ASTN2: variants seen among roughly 807,000 people sequenced by gnomAD.
ASTN2 encodes the protein astrotactin-2.
ASTN2 carries 54 observed loss-of-function variants against 139.8 expected under a neutral mutation model. The ratio of observed to expected loss-of-function variants is 0.39; its 90% CI spans 0.31 to 0.48. The LOEUF (loss-of-function observed/expected upper bound fraction) is 0.48. Ranked by LOEUF, ASTN2 falls within the 20% of genes least tolerant of loss-of-function variation. ASTN2 has a pLI of 0.95. For synonymous variants in ASTN2, 756 were observed against 719.5 expected (o/e 1.05, Z -0.81); for missense variants, 1,565 against 1,725.1 (o/e 0.91, Z 1.64).
At chr9:116,454,441 C>G (rs1373230158) in intron 20 of ASTN2, among the ~76,000 whole-genome samples, 3 of 152,026 alleles carry the variant, frequency 2.0e-5, no homozygotes, top group African/African-American at 7.2e-5. Context: ...CACTTTTACA[C>G]TGTTGGTGGG....
intron 19 of ASTN2, among the ~76,000 whole-genome samples, chr9:116,499,173 C>T (rs1364786865): frequency 6.6e-6 from 1 of 152,132 alleles, no homozygotes; most frequent in Non-Finnish European, 1.5e-5. Flanking sequence ...CTGTGTTTGT[C>T]ACTTTATTTA....
At chr9:117,095,953 A>C in intron 5 of ASTN2, 91 bp downstream of exon 5, 1 of 1,219,360 alleles carries the variant, frequency 8.2e-7, no homozygotes, top group South Asian at 1.3e-5. Context: ...AGGTTAGAGA[A>C]GATTTAGGAT....
intron 20 of ASTN2, among the ~76,000 whole-genome samples, chr9:116,456,730 T>TC (rs1464710341): frequency 6.6e-6 from 1 of 152,112 alleles, no homozygotes; most frequent in South Asian, 2.1e-4. Context: ...CGAAAGAATT[T>TC]CCCCCATGAT....
chr9:117,346,117 G>T (rs1196234412), intron 1 of ASTN2, among the ~76,000 whole-genome samples: 1 of 151,228 alleles, frequency 6.6e-6, no homozygotes, highest in Non-Finnish European at 1.5e-5. Flanking sequence ...TTTTTCCAAA[G>T]CTACCTGGCC....
chr9:116,703,928 G>C (rs1387940839), intron 16 of ASTN2, among the ~76,000 whole-genome samples: 3 of 152,304 alleles, frequency 2.0e-5, no homozygotes, highest in Admixed American at 1.3e-4. Flanking sequence ...GGGCAACAGT[G>C]AGGAAGAAGG....
intron 20 of ASTN2, among the ~76,000 whole-genome samples, chr9:116,487,037 G>C (rs1303218091): frequency 6.6e-6 from 1 of 152,120 alleles, no homozygotes. Context: ...AGAGATCCCT[G>C]ACCCAACCAT....
intron 12 of ASTN2, among the ~76,000 whole-genome samples, chr9:116,806,499 G>A (rs1831033074): frequency 6.6e-6 from 1 of 152,210 alleles, no homozygotes; most frequent in Non-Finnish European, 1.5e-5. Flanking sequence ...CAAGAAATCA[G>A]AGATCTCAGC....
intron 2 of ASTN2, among the ~76,000 whole-genome samples, chr9:117,255,021 C>T (rs774139001): frequency 1.3e-5 from 2 of 152,188 alleles, no homozygotes; most frequent in Non-Finnish European, 2.9e-5. Context: ...AAATTAAATC[C>T]TACCTAATCC....
chr9:116,565,381 CTCTCTCCATATATATATATA>C (rs1370028336), intron 19 of ASTN2, among the ~76,000 whole-genome samples: 1,459 of 34,652 alleles, frequency 0.042, 36 homozygotes, highest in African/African-American at 0.065. Context: ...CTCTCTCTCT[CTCTCTCCATATATATATATA>C]TATATATATA....
intron 11 of ASTN2, among the ~76,000 whole-genome samples, chr9:116,834,335 T>C (rs535025431): frequency 6.6e-6 from 1 of 152,326 alleles, no homozygotes; most frequent in Admixed American, 6.5e-5. Context: ...ATTGAGTCCT[T>C]CTATATTGTT....
At chr9:116,884,210 C>G (rs920127165) in intron 10 of ASTN2, among the ~76,000 whole-genome samples, 2 of 152,112 alleles carry the variant, frequency 1.3e-5, no homozygotes, top group African/African-American at 4.8e-5. Context: ...CAGATCTAAA[C>G]TTGGGGACTT....
chr9:116,626,640 A>C (rs1041207296), intron 17 of ASTN2, among the ~76,000 whole-genome samples: 1 of 151,956 alleles, frequency 6.6e-6, no homozygotes, highest in Non-Finnish European at 1.5e-5. Context: ...TGGGGTTGAT[A>C]CCTTTTTTGT....
chr9:116,700,887 C>A (rs1564220077), intron 16 of ASTN2: 1 of 166,334 alleles, frequency 6.0e-6, no homozygotes, highest in Non-Finnish European at 1.5e-5. Flanking sequence ...CAAAATTCAG[C>A]CAAAAGCACT....
intron 1 of ASTN2, among the ~76,000 whole-genome samples, chr9:117,321,292 A>T (rs575774915): frequency 6.6e-6 from 1 of 152,330 alleles, no homozygotes; most frequent in East Asian, 1.9e-4. Context: ...TTGAGAGCAG[A>T]TACTCAACAA....
At chr9:117,308,109 C>A (rs1422781710) in intron 1 of ASTN2, among the ~76,000 whole-genome samples, 1 of 152,268 alleles carries the variant, frequency 6.6e-6, no homozygotes, top group African/African-American at 2.4e-5. Flanking sequence ...CTCTGATTCC[C>A]AGCTCCAGGC....
At chr9:116,942,969 T>C (rs1453143085) in intron 10 of ASTN2, among the ~76,000 whole-genome samples, 1 of 152,222 alleles carries the variant, frequency 6.6e-6, no homozygotes, top group Non-Finnish European at 1.5e-5. Flanking sequence ...TTCTGGATGG[T>C]TGTACACTAC....
intron 5 of ASTN2, among the ~76,000 whole-genome samples, chr9:117,059,146 C>T (rs1259871951): frequency 1.3e-5 from 2 of 152,114 alleles, no homozygotes; most frequent in Admixed American, 6.6e-5. Context: ...TGGAGAGAGT[C>T]ATCAAATGCA....
chr9:116,542,377 TAATA>T (rs1302248793), intron 19 of ASTN2, among the ~76,000 whole-genome samples: 1 of 152,208 alleles, frequency 6.6e-6, no homozygotes, highest in African/African-American at 2.4e-5. Flanking sequence ...CAAGGGTGCC[TAATA>T]AATTCTGCCA....
rs12003626 is a variant in ASTN2 at position 116,902,049 on chromosome 9, C to T, written c.1890-38316G>A. Among the ~76,000 whole-genome samples the T allele has an allele frequency of 2.2e-3, 336 of 152,130 alleles. 1 individual carries two copies. The highest frequency in any genetic ancestry group is 7.6e-3 in the African/African-American group (316 of 41,522). On this transcript the variant is annotated intron_variant, in intron 10 of 22. Coordinates refer to ENST00000313400, the MANE Select transcript of ASTN2 (RefSeq NM_001365068.1). ...TCAAATAAATAAATAAATAAATAAA[C>T]AAACATAATATAAAATGAAATAAAA...
Sources: gnomAD v4.1 joint callset for allele counts (sites outside exome capture counted in the v4.1 genomes callset) on GRCh38, gnomAD v4.1.1 for gene constraint, MANE v1.5 for transcripts, NCBI Gene and HGNC (gene_info 2026-07-23, HGNC 2026-07-21) for gene names.